LRBA: variants seen among roughly 807,000 people sequenced by gnomAD.
LRBA encodes the protein lipopolysaccharide-responsive and beige-like anchor protein.
Under a neutral mutation model 330.0 loss-of-function variants are expected in LRBA, and 176 were observed. The observed-to-expected ratio is 0.53, with a 90% CI of 0.47 to 0.60. The LOEUF (loss-of-function observed/expected upper bound fraction) is 0.60. Among genes scored for constraint, LRBA ranks in the 20% least tolerant of loss-of-function variants. The pLI, the probability that LRBA is intolerant of heterozygous loss-of-function variation, is 0.00. For synonymous variants in LRBA, 1,230 were observed against 1,193.0 expected, an observed-to-expected ratio of 1.03 and a Z score of -0.64; for missense variants, 3,259 against 3,444.8, an observed-to-expected ratio of 0.95 and a Z score of 1.35.
At chr4:150,673,548 A>T (rs1229243174) in intron 37 of LRBA, among the ~76,000 whole-genome samples, 2 of 152,138 alleles carry the variant, frequency 1.3e-5, no homozygotes, top group Non-Finnish European at 2.9e-5. Flanking sequence ...CCTACATCTA[A>T]ATTTCCCACC....
chr4:150,945,754 A>G (rs1369997914), intron 2 of LRBA, among the ~76,000 whole-genome samples: 1 of 152,304 alleles, frequency 6.6e-6, no homozygotes, highest in East Asian at 1.9e-4. Flanking sequence ...TTTTGAGGAA[A>G]AATCTCCTTA....
intron 40 of LRBA, among the ~76,000 whole-genome samples, chr4:150,550,823 T>G (rs1766490376): frequency 6.6e-6 from 1 of 152,242 alleles, no homozygotes; most frequent in African/African-American, 2.4e-5. Flanking sequence ...GGAAAATAGT[T>G]CTTTAACTAA....
intron 35 of LRBA, among the ~76,000 whole-genome samples, chr4:150,750,605 A>T (rs900292624): frequency 1.3e-5 from 2 of 151,682 alleles, no homozygotes; most frequent in African/African-American, 4.8e-5. Flanking sequence ...ATACTACCCA[A>T]TTTTTTTTAA....
At chr4:150,448,818 A>G (rs1752956431) in intron 44 of LRBA, among the ~76,000 whole-genome samples, 1 of 68,812 alleles carries the variant, frequency 1.5e-5, no homozygotes, top group South Asian at 9.3e-4. Context: ...AAAAAAAAAA[A>G]AAAAGGGGGG....
chr4:150,915,916 T>C (rs1055826605), intron 7 of LRBA, among the ~76,000 whole-genome samples, 189 bp from the exon 8 acceptor site: 2 of 152,154 alleles, frequency 1.3e-5, no homozygotes, highest in African/African-American at 4.8e-5. Flanking sequence ...TGATAAGAAC[T>C]TAATCACTAG....
intron 2 of LRBA, among the ~76,000 whole-genome samples, chr4:150,962,437 G>C (rs909432763): frequency 6.7e-6 from 1 of 149,242 alleles, no homozygotes; most frequent in Admixed American, 6.6e-5. Context: ...AGGATCACTT[G>C]AGCCCGGGAA....
At chr4:151,002,597 C>G (rs1159654370) in intron 2 of LRBA, among the ~76,000 whole-genome samples, 3 of 147,924 alleles carry the variant, frequency 2.0e-5, no homozygotes, top group African/African-American at 7.5e-5. Flanking sequence ...AATAAATAAG[C>G]TCAGTGAGAG....
chr4:150,693,199 G>C (rs774326913), intron 36 of LRBA, among the ~76,000 whole-genome samples: 4 of 152,090 alleles, frequency 2.6e-5, no homozygotes, highest in Non-Finnish European at 5.9e-5. Context: ...TTAAATGTTG[G>C]AAACATAATG....
intron 2 of LRBA, among the ~76,000 whole-genome samples, chr4:151,002,775 G>T (rs1248939680): frequency 6.6e-6 from 1 of 151,992 alleles, no homozygotes; most frequent in Non-Finnish European, 1.5e-5. Flanking sequence ...ACTTTGGGAG[G>T]CTGAGGTGGG....
At chr4:150,802,351 T>C (rs927819297) in intron 33 of LRBA, among the ~76,000 whole-genome samples, 1 of 141,846 alleles carries the variant, frequency 7.0e-6, no homozygotes, top group Non-Finnish European at 1.5e-5. Flanking sequence ...CATTCGTGGG[T>C]TTTTTTTTTT....
chr4:150,479,506 T>G (rs917238829), intron 42 of LRBA, among the ~76,000 whole-genome samples: 1 of 152,138 alleles, frequency 6.6e-6, no homozygotes, highest in African/African-American at 2.4e-5. Flanking sequence ...ATCAAAAGCA[T>G]TACCGGTATT....
chr4:150,746,895 T>C (rs964057938), intron 35 of LRBA, among the ~76,000 whole-genome samples: 20 of 152,166 alleles, frequency 1.3e-4, no homozygotes, highest in Non-Finnish European at 2.2e-4. Context: ...ATTATGATAA[T>C]AGCCTCCAAT....
At chr4:150,470,873 A>AC (rs1239505814) in intron 43 of LRBA, among the ~76,000 whole-genome samples, 2 of 122,518 alleles carry the variant, frequency 1.6e-5, no homozygotes, top group Non-Finnish European at 3.6e-5. Context: ...ACACACACAC[A>AC]CACCACACAC....
At chr4:150,978,758 A>AG (rs1740501812) in intron 2 of LRBA, among the ~76,000 whole-genome samples, 1 of 152,228 alleles carries the variant, frequency 6.6e-6, no homozygotes, top group African/African-American at 2.4e-5. Flanking sequence ...AATGCATCAG[A>AG]GTCTCTTAAC....
chr4:150,805,015 T>G (rs556266031), intron 33 of LRBA, among the ~76,000 whole-genome samples: 2 of 152,232 alleles, frequency 1.3e-5, no homozygotes, highest in East Asian at 3.9e-4. Context: ...GAAGTCAGTC[T>G]GATAAACTCT....
At chr4:150,445,493 C>T (rs1197437592) in intron 44 of LRBA, among the ~76,000 whole-genome samples, 1 of 149,576 alleles carries the variant, frequency 6.7e-6, no homozygotes, top group Admixed American at 6.7e-5. Context: ...TTAGCTTAAG[C>T]CTGGGCTAAT....
chr4:150,631,871 A>G (rs1333749297), intron 37 of LRBA, among the ~76,000 whole-genome samples: 1 of 152,216 alleles, frequency 6.6e-6, no homozygotes, highest in Non-Finnish European at 1.5e-5. Flanking sequence ...AAAGGTTCTG[A>G]AAACAGAGAT....
chr4:150,492,246 G>C (rs768829922), intron 40 of LRBA, among the ~76,000 whole-genome samples: 90 of 150,754 alleles, frequency 6.0e-4, no homozygotes, highest in Admixed American at 2.0e-4. Flanking sequence ...CTACAAAAAT[G>C]ATTCTATTTC....
rs929986163 is a variant in LRBA at position 150,512,799 on chromosome 4, C to A, written c.6331-21764G>T. 3.4e-5 allele frequency among the ~76,000 whole-genome samples: 5 copies of A among 148,104 alleles called. No individual in the cohort carries two copies. In the South Asian group the frequency reaches 1.1e-3, roughly 32 times the overall value. On this transcript the variant is annotated intron_variant, in intron 40 of 56. Coordinates refer to ENST00000651943, the MANE Select transcript of LRBA (RefSeq NM_001364905.1). ...AACCTAAAAGAAACATGTTTCTGAACACCTTCACCTCCCCCCAAAAAAGGG... is the reference window on the plus strand; with the variant it reads ...AACCTAAAAGAAACATGTTTCTGAAAACCTTCACCTCCCCCCAAAAAAGGG...
Sources: gnomAD v4.1 joint callset for allele counts (sites outside exome capture counted in the v4.1 genomes callset) on GRCh38, gnomAD v4.1.1 for gene constraint, MANE v1.5 for transcripts, NCBI Gene and HGNC (gene_info 2026-07-23, HGNC 2026-07-21) for gene names.